The following RGCC variants were observed in gnomAD, a reference collection of about 807,000 sequenced individuals.
RGCC encodes regulator of cell cycle RGCC.
A neutral mutation model predicts 15.4 loss-of-function variants in RGCC; 15 were observed. The observed-to-expected ratio is 0.97, with a 90% confidence interval of 0.65 to 1.50. The LOEUF (loss-of-function observed/expected upper bound fraction) is 1.50. Ranked by LOEUF, RGCC falls within the 40% of genes most tolerant of loss-of-function variation. RGCC has a pLI of 0.00. For synonymous variants in RGCC, 81 were observed against 78.0 expected, an observed-to-expected ratio of 1.04 and a Z score of -0.20; for missense variants, 176 against 189.7, an observed-to-expected ratio of 0.93 and a Z score of 0.42.
At chr13:41,463,236 G>A (rs746057241) in intron 2 of RGCC, among the ~76,000 whole-genome samples, 52 of 152,068 alleles carry the variant, frequency 3.4e-4, no homozygotes, top group Non-Finnish European at 6.0e-4. Flanking sequence ...GTAGCTTTGG[G>A]GCCTTGAGGG....
At chr13:41,469,282 A>G (rs868622539) in intron 4 of RGCC, among the ~76,000 whole-genome samples, 53 of 115,984 alleles carry the variant, frequency 4.6e-4, no homozygotes, top group South Asian at 8.4e-4. Context: ...AATAATAATA[A>G]TAATAATAAT....
At chr13:41,469,632 TG>T (rs1289734733) in intron 4 of RGCC, among the ~76,000 whole-genome samples, 1 of 152,164 alleles carries the variant, frequency 6.6e-6, no homozygotes, top group Non-Finnish European at 1.5e-5. Flanking sequence ...CTTTAAGATG[TG>T]GGTGCCAAAA....
At chr13:41,461,170 G>T (rs1459255104) in intron 2 of RGCC, among the ~76,000 whole-genome samples, 1 of 152,150 alleles carries the variant, frequency 6.6e-6, no homozygotes, top group African/African-American at 2.4e-5. Context: ...ATGGTGGGGT[G>T]GGGGGTGTGG....
chr13:41,470,371 C>G, intron 4 of RGCC, 107 bp from the exon 5 acceptor site: 1 of 1,126,014 alleles, frequency 8.9e-7, no homozygotes, highest in Non-Finnish European at 1.3e-6. Context: ...GTGGGAAGCC[C>G]AGCATTGAGT....
At chr13:41,469,295 TAAGAAGAAGAAGAAGAAGAAG>T (rs370476569) in intron 4 of RGCC, among the ~76,000 whole-genome samples, 88 of 86,724 alleles carry the variant, frequency 1.0e-3, no homozygotes, top group Non-Finnish European at 1.7e-3. Flanking sequence ...ATAATAATAA[TAAGAAGAAGAAGAAGAAGAAG>T]AAGAAGAAGA....
intron 2 of RGCC, among the ~76,000 whole-genome samples, chr13:41,465,543 G>A (rs1243101534): frequency 1.2e-5 from 1 of 80,584 alleles, no homozygotes; most frequent in Non-Finnish European, 3.5e-5. Context: ...AGTAAGCTAG[G>A]CCCAGAGATG....
intron 3 of RGCC, among the ~76,000 whole-genome samples, chr13:41,467,785 C>T (rs544237431): frequency 1.3e-5 from 2 of 152,282 alleles, no homozygotes; most frequent in Admixed American, 1.3e-4. Flanking sequence ...CTATCCAGCC[C>T]TCAGTCTGTA....
intron 3 of RGCC, among the ~76,000 whole-genome samples, 189 bp from the exon 4 acceptor site, chr13:41,468,587 T>A (rs1209612813): frequency 6.6e-6 from 1 of 152,202 alleles, no homozygotes; most frequent in Non-Finnish European, 1.5e-5. Flanking sequence ...AGCACACACT[T>A]AGGGTTGGCC....
At chr13:41,465,341 G>A (rs2043841793) in intron 2 of RGCC, among the ~76,000 whole-genome samples, 1 of 152,154 alleles carries the variant, frequency 6.6e-6, no homozygotes, top group South Asian at 2.1e-4. Flanking sequence ...TCCTGCTTCT[G>A]CTGCCTGCCT....
Position 41,468,681 on chromosome 13 carries a change from C to T in RGCC, c.344-95C>T. On this transcript the variant is annotated intron_variant, in intron 3 of 4. Coordinates refer to ENST00000379359, the MANE Select transcript of RGCC (RefSeq NM_014059.3). ...ATCCATTCTATAACTCTGGAAGTTC[C>T]AACTTCCTGGAAAACTCAATATGGA... 5.5e-6 allele frequency: 5 copies of T among 905,432 alleles called. No individual in the cohort carries two copies. The South Asian group carries it at 5.8e-5, about 10-fold the overall frequency. 56.1% of individuals were successfully genotyped at this position (905,432 alleles called of 1,614,324 possible). A position where few individuals can be genotyped will look rare whatever the true frequency, so the allele number is the denominator to read the frequency against.
rs907913841 is a variant in RGCC, at chr13:41,458,957, T to C, written c.235+487T>C. On this transcript the variant is annotated intron_variant, in intron 2 of 4. Coordinates refer to ENST00000379359, the MANE Select transcript of RGCC (RefSeq NM_014059.3). The surrounding 1 kb of genome is among the most constrained non-coding windows in gnomAD (Gnocchi z 4.4). ...ATTTATGAAATAACTGCTTGCATTG[T>C]CTTCTGGCCCTTAGCTCTCAGACTT... 2.0e-5 allele frequency among the ~76,000 whole-genome samples: 3 copies of C among 152,198 alleles called. No individual in the cohort carries two copies. Among genetic ancestry groups the C allele is most frequent in the African/African-American group, 7.2e-5 (3 of 41,444 alleles).
At position 41,457,555 on chromosome 13, in the gene RGCC, G is replaced by T; in HGVS notation, c.-153G>T. ...TAGGAACCCGAGCCGGTGGTAGGGCGGGCGCGGACCGTGCTGGGAGCGGCG... is the reference window on the plus strand; with the variant it reads ...TAGGAACCCGAGCCGGTGGTAGGGCTGGCGCGGACCGTGCTGGGAGCGGCG... On this transcript the variant is annotated 5_prime_UTR_variant, in exon 1 of 5. Coordinates refer to ENST00000379359, the MANE Select transcript of RGCC (RefSeq NM_014059.3). The surrounding 1 kb of genome is among the most constrained non-coding windows in gnomAD (Gnocchi z 4.9). 1 of 1,279,932 alleles carries T rather than the reference G, an allele frequency of 7.8e-7. No homozygotes were observed. 79.3% of individuals were successfully genotyped at this position (1,279,932 alleles called of 1,614,324 possible).
chr13:41,468,883 C>G (rs2043860789), intron 4 of RGCC, 45 bp downstream of exon 4: 1 of 1,347,516 alleles, frequency 7.4e-7, no homozygotes, highest in African/African-American at 1.5e-5. Context: ...AAAAAACTAA[C>G]AGACACTTCT....
At chr13:41,460,439 A>G (rs763690748) in intron 2 of RGCC, among the ~76,000 whole-genome samples, 2 of 152,264 alleles carry the variant, frequency 1.3e-5, no homozygotes, top group Non-Finnish European at 2.9e-5. Flanking sequence ...ACACACCAGG[A>G]TAAGGATAAT....
Position 41,458,377 on chromosome 13 carries a change from G to T in RGCC, c.142G>T (p.Glu48Ter), listed in dbSNP as rs761849918. Residue 48 changes from glutamate to a stop codon, truncating the protein, a stop_gained, in exon 2 of 5, where the codon GAG (glutamate) becomes TAG (stop). Transcript: ENST00000379359. LOFTEE classifies it high-confidence loss of function. The surrounding 1 kb of genome is among the most constrained non-coding windows in gnomAD (Gnocchi z 4.4). ...VLADFASPFHERHFHYEEHLE... is the reference protein window; with the variant it reads ...VLADFASPFH The stretch of plus-strand genomic sequence containing the variant: ...GGCCGACTTCGCGTCGCCCTTCCAC[G>T]AGCGCCACTTCCACTACGAGGAGCA... 1.3e-6 allele frequency: 2 copies of T among 1,598,002 alleles called. No individual in the cohort carries two copies. The highest frequency in any genetic ancestry group is 1.7e-6 in the Non-Finnish European group (2 of 1,177,770).
intron 2 of RGCC, among the ~76,000 whole-genome samples, chr13:41,465,225 C>T (rs116916511): frequency 1.3e-5 from 2 of 152,306 alleles, no homozygotes; most frequent in Non-Finnish European, 2.9e-5. Context: ...CCCCATCATT[C>T]AGCTGCCCTC....
intron 4 of RGCC, among the ~76,000 whole-genome samples, chr13:41,469,940 G>C (rs1261191464): frequency 6.6e-6 from 1 of 152,160 alleles, no homozygotes; most frequent in Non-Finnish European, 1.5e-5. Context: ...CTACTACGGG[G>C]GGTCCTGTTT....
chr13:41,467,466 T>C (rs765497547), intron 3 of RGCC, among the ~76,000 whole-genome samples: 7 of 152,248 alleles, frequency 4.6e-5, no homozygotes, highest in Admixed American at 1.3e-4. Flanking sequence ...AAAATGTCTT[T>C]AAAGATGCAT....
In RGCC at chr13:41,458,423, G is replaced by A. The variant is rs1427854859; in HGVS notation, c.188G>A (p.Arg63His). ...YEEHLERMKR[R>H]SSASVSDSSG... ...GAGCACCTGGAGCGCATGAAGCGGC[G>A]CAGCAGCGCCAGTGTCAGCGACAGC... is the stretch of plus-strand genomic sequence containing the variant. Residue 63 changes from arginine to histidine, a missense_variant, in exon 2 of 5, where the codon CGC (arginine) becomes CAC (histidine). Arg to His is a conservative substitution (Grantham distance 29). Transcript: ENST00000379359. This position sits in a 1 kb window ranked among gnomAD's most constrained non-coding sequence, Gnocchi z 4.4. The A allele has an allele frequency of 1.2e-6, 2 of 1,601,712 alleles. No homozygotes were observed. Among genetic ancestry groups the A allele is most frequent in the Admixed American group, 1.7e-5 (1 of 59,752 alleles).
Sources: allele counts gnomAD v4.1 joint callset (sites outside exome capture counted in the v4.1 genomes callset), GRCh38; gene constraint gnomAD v4.1.1; non-coding constraint Gnocchi (gnomAD v3.1); transcripts MANE v1.5; gene names NCBI Gene and HGNC (gene_info 2026-07-23, HGNC 2026-07-21).